ALDH5A1: variants seen among roughly 807,000 people sequenced by gnomAD.
ALDH5A1 encodes the protein aldehyde dehydrogenase 5 family member A1, also known as succinate-semialdehyde dehydrogenase, mitochondrial.
In ALDH5A1, 33 loss-of-function variants were observed where a neutral mutation model predicts 54.7. The ratio of observed to expected loss-of-function variants is 0.60; its 90% confidence interval spans 0.46 to 0.81. The LOEUF is 0.81. ALDH5A1 is among the 30% of genes least tolerant of loss of function. The pLI is 0.00. For missense variants in ALDH5A1, 657 were observed against 711.0 expected (o/e 0.92, Z 0.86); for synonymous variants, 294 against 292.7 (o/e 1.00, Z -0.05).
intron 1 of ALDH5A1, among the ~76,000 whole-genome samples, chr6:24,501,490 G>T (rs568355638): frequency 6.6e-6 from 1 of 152,252 alleles, no homozygotes; most frequent in South Asian, 2.1e-4. Context: ...AGCCAGTCTC[G>T]TGGATGGAAA....
intron 6 of ALDH5A1, among the ~76,000 whole-genome samples, chr6:24,521,632 T>A (rs1759682912): frequency 6.6e-6 from 1 of 152,196 alleles, no homozygotes; most frequent in Admixed American, 6.5e-5. Flanking sequence ...CCCTTCCACA[T>A]AACCTAAATA....
intron 1 of ALDH5A1, among the ~76,000 whole-genome samples, chr6:24,496,425 C>T (rs1055259576): frequency 6.6e-6 from 1 of 152,244 alleles, no homozygotes; most frequent in Non-Finnish European, 1.5e-5. Flanking sequence ...GCAGCATCAA[C>T]AGTGTGACCA....
intron 4 of ALDH5A1, among the ~76,000 whole-genome samples, chr6:24,508,377 AAAAAAAAAAAAGAT>A (rs1759399392): frequency 2.1e-5 from 1 of 47,074 alleles, no homozygotes; most frequent in Admixed American, 1.5e-4. Flanking sequence ...AAAAAAAAAA[AAAAAAAAAAAAGAT>A]TAATAGTCTC....
rs929589421 is a variant in ALDH5A1 at position 24,516,611 on chromosome 6, A to C, written c.870+1301A>C. 3.9e-5 allele frequency among the ~76,000 whole-genome samples: 6 copies of C among 151,966 alleles called. No homozygotes were observed. The East Asian group carries it at 1.2e-3, about 29-fold the overall frequency. On this transcript the variant is annotated intron_variant, in intron 5 of 9. Transcript: ENST00000357578. ...TATACACATATATGTATCTGTACTC[A>C]CATTGTTCATGTCCATAAACACATA...
At chr6:24,522,501 G>GTGTGTGTGTGTGGA in intron 6 of ALDH5A1, 1 of 361,782 alleles carries the variant, frequency 2.8e-6, no homozygotes, top group Non-Finnish European at 5.2e-6. Flanking sequence ...GTGTGTGTGT[G>GTGTGTGTGTGTGGA]TGTACAGGTG....
At chr6:24,513,245 C>T (rs570879095) in intron 4 of ALDH5A1, among the ~76,000 whole-genome samples, 8 of 151,688 alleles carry the variant, frequency 5.3e-5, no homozygotes, top group African/African-American at 1.2e-4. Context: ...TTTATTTTTT[C>T]GTAGAGATAG....
chr6:24,523,196 C>T (rs528159031), intron 7 of ALDH5A1, among the ~76,000 whole-genome samples: 40 of 151,916 alleles, frequency 2.6e-4, no homozygotes, highest in Non-Finnish European at 3.5e-4. Context: ...ATGTTTGAGG[C>T]GATAGATGTG....
intron 7 of ALDH5A1, among the ~76,000 whole-genome samples, chr6:24,526,972 G>A (rs1365223899): frequency 0.022 from 182 of 8,312 alleles, 14 homozygotes; most frequent in African/African-American, 0.035. Flanking sequence ...ATATGTGTGT[G>A]TGTATATATA....
In ALDH5A1 at chr6:24,522,240, G is replaced by A. The variant is rs375438647; in HGVS notation, c.1015-527G>A. Among the ~76,000 whole-genome samples the A allele has an allele frequency of 3.3e-5, 5 of 152,122 alleles. No individual in the cohort carries two copies. In the East Asian group the frequency reaches 9.7e-4, roughly 29 times the overall value. ...TGGAAGAATCACTTGAGCCCTGGAG[G>A]TCAAGGCTGCAGTGAACTCATCACT... On this transcript the variant is annotated intron_variant, in intron 6 of 9. Coordinates refer to ENST00000357578, the MANE Select transcript of ALDH5A1 (RefSeq NM_001080.3).
Position 24,509,733 on chromosome 6 carries a change from T to C in ALDH5A1, c.726+4748T>C, listed in dbSNP as rs1759427456. Among the ~76,000 whole-genome samples the C allele has an allele frequency of 6.6e-6, 1 of 152,094 alleles. No individual in the cohort carries two copies. The highest frequency in any genetic ancestry group is 1.5e-5 in the Non-Finnish European group (1 of 67,982). On this transcript the variant is annotated intron_variant, in intron 4 of 9. Transcript: ENST00000357578. This position sits in a 1 kb window ranked among gnomAD's most constrained non-coding sequence, Gnocchi z 4.7. ...CTCTTCTCTTCTAATGGTCTATCAA[T>C]TTTATCTTTTCAAAGAACCAGCTTT...
intron 6 of ALDH5A1, among the ~76,000 whole-genome samples, chr6:24,522,354 C>G (rs565318946): frequency 2.7e-4 from 41 of 152,046 alleles, no homozygotes; most frequent in Admixed American, 6.5e-4. Flanking sequence ...TCCTCTTAGC[C>G]TCTGCTGTTG....
chr6:24,518,788 T>G lies in ALDH5A1; in HGVS notation c.871-1613T>G, dbSNP rs1291862503. ...TTTACCAAGAACCGTGTCACAAAAC[T>G]CATGACCTCAGAATGTACAACACTT... On this transcript the variant is annotated intron_variant, in intron 5 of 9. Coordinates refer to ENST00000357578, the MANE Select transcript of ALDH5A1 (RefSeq NM_001080.3). The surrounding 1 kb of genome is among the most constrained non-coding windows in gnomAD (Gnocchi z 4.2). 6.6e-6 allele frequency among the ~76,000 whole-genome samples: 1 copy of G among 152,120 alleles called. No homozygotes were observed. Among genetic ancestry groups the G allele is most frequent in the Admixed American group, 6.6e-5 (1 of 15,262 alleles).
At chr6:24,500,211 A>G (rs538187235) in intron 1 of ALDH5A1, among the ~76,000 whole-genome samples, 1 of 152,328 alleles carries the variant, frequency 6.6e-6, no homozygotes, top group Non-Finnish European at 1.5e-5. Context: ...TTACCATTTT[A>G]ACCATTTTTA....
chr6:24,527,957 T>A, intron 7 of ALDH5A1, 40 bp from the exon 8 acceptor site: 2 of 1,610,078 alleles, frequency 1.2e-6, no homozygotes, highest in Non-Finnish European at 1.7e-6. Flanking sequence ...TCTAAAAGAT[T>A]GTATCATGTG....
intron 4 of ALDH5A1, among the ~76,000 whole-genome samples, chr6:24,508,071 T>C (rs1299051523): frequency 1.3e-5 from 2 of 152,014 alleles, no homozygotes; most frequent in African/African-American, 2.4e-5. Context: ...TAACTTAGAA[T>C]AATACTCTCC....
intron 4 of ALDH5A1, among the ~76,000 whole-genome samples, chr6:24,513,501 C>T (rs1461819070): frequency 6.6e-6 from 1 of 152,164 alleles, no homozygotes; most frequent in African/African-American, 2.4e-5. Flanking sequence ...TCACAGTGTA[C>T]CTTTTGCTTC....
chr6:24,508,382 A>AT (rs1561871735), intron 4 of ALDH5A1, among the ~76,000 whole-genome samples: 2 of 53,350 alleles, frequency 3.7e-5, no homozygotes, highest in Non-Finnish European at 1.1e-4. Flanking sequence ...AAAAAAAAAA[A>AT]AAAAAAGATT....
chr6:24,501,657 G>A (rs1312043974), intron 1 of ALDH5A1, among the ~76,000 whole-genome samples: 3 of 152,074 alleles, frequency 2.0e-5, no homozygotes, highest in Non-Finnish European at 4.4e-5. Flanking sequence ...GTTGCAGTGA[G>A]GTATGATCAC....
At chr6:24,497,117 C>T (rs1764726740) in intron 1 of ALDH5A1, among the ~76,000 whole-genome samples, 1 of 152,140 alleles carries the variant, frequency 6.6e-6, no homozygotes, top group Non-Finnish European at 1.5e-5. Flanking sequence ...GTGGTAGCAA[C>T]ATTTATTGTG....
Sources: allele counts gnomAD v4.1 joint callset (sites outside exome capture counted in the v4.1 genomes callset), GRCh38; gene constraint gnomAD v4.1.1; non-coding constraint Gnocchi (gnomAD v3.1); transcripts MANE v1.5; gene names NCBI Gene and HGNC (gene_info 2026-07-23, HGNC 2026-07-21).